HS3ST3A1: variants seen among roughly 807,000 people sequenced by gnomAD.
HS3ST3A1 encodes the protein heparan sulfate glucosamine 3-O-sulfotransferase 3A1.
In HS3ST3A1, 19 loss-of-function variants were observed where a neutral mutation model predicts 25.7. The ratio of observed to expected loss-of-function variants is 0.74; its 90% confidence interval spans 0.52 to 1.08. The LOEUF (loss-of-function observed/expected upper bound fraction) is 1.08, where lower values mean the gene tolerates loss of function less well. Among genes scored for constraint, HS3ST3A1 ranks in the 50% least tolerant of loss-of-function variants. The pLI is 0.00. For missense variants in HS3ST3A1, 459 were observed against 594.3 expected, an observed-to-expected ratio of 0.77 and a Z score of 2.37; for synonymous variants, 226 against 278.6, an observed-to-expected ratio of 0.81 and a Z score of 1.88.
chr17:13,514,553 C>T (rs896105564), intron 1 of HS3ST3A1, among the ~76,000 whole-genome samples: 2 of 152,160 alleles, frequency 1.3e-5, no homozygotes, highest in African/African-American at 4.8e-5. Context: ...TGATACTGTT[C>T]TATGCTTGTC....
chr17:13,531,343 C>A (rs1041305250), intron 1 of HS3ST3A1, among the ~76,000 whole-genome samples: 13 of 152,276 alleles, frequency 8.5e-5, no homozygotes, highest in African/African-American at 3.1e-4. Context: ...ATATCACCTT[C>A]CCTTTCATCA....
chr17:13,600,770 C>T lies in HS3ST3A1; in HGVS notation c.360G>A (p.Leu120=). 6.7e-7 allele frequency: 1 copy of T among 1,503,202 alleles called. No homozygotes were observed. The highest frequency in any genetic ancestry group is 1.3e-5 in the South Asian group (1 of 79,672). 93.1% of individuals were successfully genotyped at this position (1,503,202 alleles called of 1,614,324 possible). A position where few individuals can be genotyped will look rare whatever the true frequency, so the allele number is the denominator to read the frequency against. ...EAAWEEESPG[L]SGGPGGSGAG... ...CCCCGGAGCCGCCCGGACCCCCTGA[C>T]AGGCCAGGGGACTCTTCTTCCCAGG... The change falls in exon 1 of 2, where the codon CTG becomes CTA. Residue 120 remains leucine, a synonymous_variant. Transcript: ENST00000284110.
chr17:13,522,765 C>A (rs1045533371), intron 1 of HS3ST3A1, among the ~76,000 whole-genome samples: 7 of 151,286 alleles, frequency 4.6e-5, no homozygotes, highest in Non-Finnish European at 1.0e-4. Context: ...AAAAAAATGG[C>A]AAAATAATAT....
At chr17:13,570,531 A>G (rs1485870173) in intron 1 of HS3ST3A1, among the ~76,000 whole-genome samples, 2 of 152,210 alleles carry the variant, frequency 1.3e-5, no homozygotes, top group African/African-American at 4.8e-5. Flanking sequence ...CTAGGCTGGA[A>G]TGCAGTGACA....
intron 1 of HS3ST3A1, among the ~76,000 whole-genome samples, chr17:13,511,908 A>G (rs1905872513): frequency 6.6e-6 from 1 of 152,208 alleles, no homozygotes; most frequent in South Asian, 2.1e-4. Context: ...CAACTTTTAA[A>G]TACACGTGGA....
intron 1 of HS3ST3A1, among the ~76,000 whole-genome samples, chr17:13,533,349 C>G (rs1013514437): frequency 2.3e-4 from 35 of 151,998 alleles, no homozygotes; most frequent in African/African-American, 7.0e-4. Context: ...TCACTTTATC[C>G]TCACAGCAAC....
chr17:13,570,616 A>C (rs1439109578), intron 1 of HS3ST3A1, among the ~76,000 whole-genome samples: 1 of 152,134 alleles, frequency 6.6e-6, no homozygotes, highest in Non-Finnish European at 1.5e-5. Context: ...TAGCTGGGAT[A>C]CAGGTGCATG....
intron 1 of HS3ST3A1, among the ~76,000 whole-genome samples, chr17:13,527,959 TA>T (rs964955871): frequency 3.0e-4 from 45 of 152,298 alleles, no homozygotes; most frequent in African/African-American, 1.0e-3. Flanking sequence ...ATAATGTTCT[TA>T]TTTTTTTTTA....
intron 1 of HS3ST3A1, among the ~76,000 whole-genome samples, chr17:13,499,488 T>C (rs1357755121): frequency 6.6e-6 from 1 of 152,218 alleles, no homozygotes; most frequent in Non-Finnish European, 1.5e-5. Flanking sequence ...TTCTCTTTTT[T>C]TCTATATATC....
chr17:13,592,746 A>G (rs895919788), intron 1 of HS3ST3A1, among the ~76,000 whole-genome samples: 1 of 152,246 alleles, frequency 6.6e-6, no homozygotes, highest in Non-Finnish European at 1.5e-5. Context: ...GTTGTTAAAA[A>G]TATCAGAGGA....
At chr17:13,538,797 G>A (rs1046254301) in intron 1 of HS3ST3A1, among the ~76,000 whole-genome samples, 14 of 152,136 alleles carry the variant, frequency 9.2e-5, no homozygotes, top group African/African-American at 3.1e-4. Flanking sequence ...ATCTGGAGAA[G>A]GAAGAGGATC....
At chr17:13,503,390 C>G (rs1044305516) in intron 1 of HS3ST3A1, among the ~76,000 whole-genome samples, 1 of 151,946 alleles carries the variant, frequency 6.6e-6, no homozygotes, top group African/African-American at 2.4e-5. Context: ...TGGGTAACAA[C>G]AATTTCGTGT....
chr17:13,528,762 G>A (rs1420233956), intron 1 of HS3ST3A1, among the ~76,000 whole-genome samples: 1 of 152,140 alleles, frequency 6.6e-6, no homozygotes, highest in East Asian at 1.9e-4. Context: ...AGTCATGAAG[G>A]AAACTGCATT....
Position 13,601,089 on chromosome 17 carries a change from G to A in HS3ST3A1, c.41C>T (p.Ala14Val). The A allele has an allele frequency of 1.3e-6, 2 of 1,592,812 alleles. No homozygotes were observed. The highest frequency in any genetic ancestry group is 1.7e-5 in the Admixed American group (1 of 57,934). ...PGPASALSTS[A>V]EPLSRSIFRK... is the part of the protein sequence containing the mutation. ...GAAGATGCTGCGGGACAGCGGCTCG[G>A]CCGAGGTGGAGAGGGCACTGGCCGG... Residue 14 changes from alanine to valine, a missense_variant, in exon 1 of 2, where the codon GCC becomes GTC. Physicochemically the swap from Ala to Val is moderately conservative, Grantham distance 64 (BLOSUM62 0). Transcript: ENST00000284110.
intron 1 of HS3ST3A1, among the ~76,000 whole-genome samples, chr17:13,522,702 G>A (rs1307920343): frequency 6.6e-6 from 1 of 152,012 alleles, no homozygotes. Context: ...CAAGAAAATG[G>A]CATTTGCTGT....
chr17:13,576,878 G>T (rs1052151933), intron 1 of HS3ST3A1, among the ~76,000 whole-genome samples: 1 of 152,136 alleles, frequency 6.6e-6, no homozygotes, highest in African/African-American at 2.4e-5. Context: ...CAGACATTTG[G>T]TTGGTAGGAT....
intron 1 of HS3ST3A1, among the ~76,000 whole-genome samples, chr17:13,532,086 C>A (rs1378456015): frequency 2.6e-5 from 4 of 152,110 alleles, no homozygotes; most frequent in African/African-American, 7.2e-5. Flanking sequence ...AATCAAGGCT[C>A]TTTGCAAGCA....
At chr17:13,547,395 T>C (rs1907120253) in intron 1 of HS3ST3A1, among the ~76,000 whole-genome samples, 2 of 152,114 alleles carry the variant, frequency 1.3e-5, no homozygotes, top group South Asian at 4.1e-4. Flanking sequence ...GTTGGAACTT[T>C]TAGCCTCACC....
chr17:13,592,586 A>G (rs1307694849), intron 1 of HS3ST3A1, among the ~76,000 whole-genome samples: 2 of 152,258 alleles, frequency 1.3e-5, no homozygotes, highest in Non-Finnish European at 1.5e-5. Context: ...TATCCCTTGC[A>G]CGAAAGCAGT....
Sources: allele counts gnomAD v4.1 joint callset (sites outside exome capture counted in the v4.1 genomes callset), GRCh38; gene constraint gnomAD v4.1.1; transcripts MANE v1.5; gene names NCBI Gene and HGNC (gene_info 2026-07-23, HGNC 2026-07-21).